Variants in ANTXR2 observed in about 807,000 individuals in gnomAD.
ANTXR2 encodes anthrax toxin receptor 2.
In ANTXR2, 44 loss-of-function variants were observed where a neutral mutation model predicts 73.7. The observed-to-expected ratio is 0.60, with a 90% CI of 0.47 to 0.77. The LOEUF (loss-of-function observed/expected upper bound fraction) is 0.77. ANTXR2 is among the 30% of genes least tolerant of loss of function. ANTXR2 has a pLI of 0.00. For missense variants in ANTXR2, 604 were observed against 592.5 expected (o/e 1.02, Z -0.20); for synonymous variants, 217 against 205.9 (o/e 1.05, Z -0.46).
At chr4:79,946,921 A>G (rs1420746237) in intron 16 of ANTXR2, among the ~76,000 whole-genome samples, 1 of 152,140 alleles carries the variant, frequency 6.6e-6, no homozygotes, top group Non-Finnish European at 1.5e-5. Flanking sequence ...ATAACATACA[A>G]AACAGAAGGG....
At chr4:79,950,378 GAA>G (rs1336387653) in intron 16 of ANTXR2, among the ~76,000 whole-genome samples, 1 of 152,000 alleles carries the variant, frequency 6.6e-6, no homozygotes, top group Non-Finnish European at 1.5e-5. Flanking sequence ...ATTTTAGGAA[GAA>G]AAAAGGCCAC....
Position 80,072,856 on chromosome 4 carries a change from A to C in ANTXR2, c.-296T>G. 3 of 497,296 alleles carry C rather than the reference A, an allele frequency of 6.0e-6. No homozygotes were observed. Among genetic ancestry groups the C allele is most frequent in the Non-Finnish European group, 5.9e-6 (2 of 337,578 alleles). The allele number at this position is 497,296 out of a possible 1,614,324, so 30.8% of individuals were successfully genotyped here. On this transcript the variant is annotated 5_prime_UTR_variant, in exon 1 of 17. Coordinates refer to ENST00000403729, the MANE Select transcript of ANTXR2 (RefSeq NM_058172.6). ...CGATTCCGGAGAGTTCCTGCAGACA[A>C]TGCGGGCCCACGGCGACAGCTCGCG...
intron 12 of ANTXR2, among the ~76,000 whole-genome samples, chr4:79,985,699 A>G (rs540035727): frequency 2.4e-4 from 36 of 152,300 alleles, no homozygotes; most frequent in African/African-American, 8.7e-4. Context: ...TGTAACCACA[A>G]TGAGACTCCA....
chr4:79,956,662 T>C (rs1305195817), intron 16 of ANTXR2, among the ~76,000 whole-genome samples: 1 of 152,140 alleles, frequency 6.6e-6, no homozygotes, highest in African/African-American at 2.4e-5. Context: ...GACCCTTCTC[T>C]ATAAAAATAA....
At chr4:79,964,087 G>A (rs1478209476) in intron 16 of ANTXR2, among the ~76,000 whole-genome samples, 2 of 152,124 alleles carry the variant, frequency 1.3e-5, no homozygotes, top group Admixed American at 6.5e-5. Context: ...AAAACAAATG[G>A]TGGATGTACT....
chr4:79,995,611 T>G (rs1471116543), intron 12 of ANTXR2, among the ~76,000 whole-genome samples: 1 of 152,008 alleles, frequency 6.6e-6, no homozygotes, highest in African/African-American at 2.4e-5. Flanking sequence ...TATTACAATG[T>G]TTCCACCAGG....
At chr4:79,949,198 A>G (rs554898076) in intron 16 of ANTXR2, among the ~76,000 whole-genome samples, 110 of 152,326 alleles carry the variant, frequency 7.2e-4, no homozygotes, top group Admixed American at 2.0e-3. Context: ...ACCCACAAAC[A>G]GGATGAGAAC....
chr4:80,058,001 CTGAT>C (rs1734075548), intron 3 of ANTXR2, among the ~76,000 whole-genome samples: 1 of 151,982 alleles, frequency 6.6e-6, no homozygotes, highest in African/African-American at 2.4e-5. Context: ...CAACTTGAAA[CTGAT>C]TGTGTCTGAA....
intron 16 of ANTXR2, among the ~76,000 whole-genome samples, chr4:79,910,507 C>CAAAAAAAAAAAAAAAGAAAAA (rs1727086657): frequency 1.0e-5 from 1 of 95,652 alleles, no homozygotes; most frequent in Non-Finnish European, 2.1e-5. Context: ...GACTCCGTCT[C>CAAAAAAAAAAAAAAAGAAAAA]AAAAAAAAAA....
intron 9 of ANTXR2, among the ~76,000 whole-genome samples, chr4:80,032,629 C>A (rs1732750033): frequency 6.6e-6 from 1 of 151,612 alleles, no homozygotes; most frequent in African/African-American, 2.4e-5. Context: ...AGATAAACAG[C>A]AAAATGGCAG....
chr4:79,992,671 A>G (rs1730528835), intron 12 of ANTXR2, among the ~76,000 whole-genome samples: 1 of 152,024 alleles, frequency 6.6e-6, no homozygotes, highest in Non-Finnish European at 1.5e-5. Context: ...TTCCTCTATA[A>G]AAAAAGAAAG....
chr4:79,922,236 T>C (rs923240674), intron 16 of ANTXR2, among the ~76,000 whole-genome samples: 4 of 152,062 alleles, frequency 2.6e-5, no homozygotes, highest in East Asian at 1.9e-4. Context: ...CTTTCATTCA[T>C]AGCCACAGGG....
At position 79,901,957 on chromosome 4, in the gene ANTXR2, C is replaced by T. The variant is rs1726722137; in HGVS notation, c.*5472G>A. On this transcript the variant is annotated 3_prime_UTR_variant, in exon 17 of 17. Coordinates refer to ENST00000403729, the MANE Select transcript of ANTXR2 (RefSeq NM_058172.6). ...CATGAAGTTTCACTTGCTTTCCACT[C>T]ATCTCCTGCTGTGTGGCCTGGTTTC... 1 of 152,160 alleles carries T rather than the reference C, an allele frequency of 6.6e-6. No individual in the cohort carries two copies. The highest frequency in any genetic ancestry group is 2.4e-5 in the African/African-American group (1 of 41,410). The allele number at this position is 152,160 out of a possible 1,614,324, so 9.4% of individuals were successfully genotyped here. A position where few individuals can be genotyped will look rare whatever the true frequency, so the allele number is the denominator to read the frequency against.
intron 16 of ANTXR2, among the ~76,000 whole-genome samples, chr4:79,956,413 T>C (rs1025047093): frequency 2.0e-5 from 3 of 152,062 alleles, no homozygotes; most frequent in African/African-American, 7.2e-5. Flanking sequence ...CACTGTAAAA[T>C]GACAGCATGG....
intron 10 of ANTXR2, among the ~76,000 whole-genome samples, chr4:80,024,246 G>T (rs892934562): frequency 1.3e-5 from 2 of 152,166 alleles, no homozygotes; most frequent in African/African-American, 4.8e-5. Flanking sequence ...CACAGAAGGA[G>T]CAAGTTTGAA....
At chr4:79,946,019 A>G (rs1359071778) in intron 16 of ANTXR2, among the ~76,000 whole-genome samples, 2 of 152,186 alleles carry the variant, frequency 1.3e-5, no homozygotes, top group African/African-American at 4.8e-5. Context: ...GGTAAAACTA[A>G]TAATAACAAA....
chr4:80,072,640 C>A lies in ANTXR2; in HGVS notation c.-80G>T. 1 of 1,364,624 alleles carries A rather than the reference C, an allele frequency of 7.3e-7. No individual in the cohort carries two copies. Among genetic ancestry groups the A allele is most frequent in the Non-Finnish European group, 9.4e-7 (1 of 1,060,870 alleles). 84.5% of individuals were successfully genotyped at this position (1,364,624 alleles called of 1,614,324 possible). A position where few individuals can be genotyped will look rare whatever the true frequency, so the allele number is the denominator to read the frequency against. ...GGGTCGCAAAGGTGGCGGGAGTCAC[C>A]CGGCACGCACTCTGGGGTGGGGGGC... On this transcript the variant is annotated 5_prime_UTR_variant, in exon 1 of 17. Transcript: ENST00000403729.
intron 16 of ANTXR2, among the ~76,000 whole-genome samples, chr4:79,954,081 A>G (rs1728804307): frequency 6.6e-6 from 1 of 152,116 alleles, no homozygotes; most frequent in Admixed American, 6.6e-5. Flanking sequence ...CACGAACTAA[A>G]TTTTTCAATA....
At chr4:80,060,449 G>T (rs1190686076) in intron 3 of ANTXR2, among the ~76,000 whole-genome samples, 3 of 152,170 alleles carry the variant, frequency 2.0e-5, no homozygotes, top group African/African-American at 7.2e-5. Context: ...CATTGCTTCT[G>T]TATGAGAGTT....
Sources: allele counts gnomAD v4.1 joint callset (sites outside exome capture counted in the v4.1 genomes callset), GRCh38; gene constraint gnomAD v4.1.1; transcripts MANE v1.5; gene names NCBI Gene and HGNC (gene_info 2026-07-23, HGNC 2026-07-21).